Variants in MYOF observed in about 807,000 individuals in gnomAD.
MYOF encodes the protein fer-1-like 3, myoferlin.
MYOF carries 244 observed loss-of-function variants against 284.2 expected under a neutral mutation model. The ratio of observed to expected loss-of-function variants is 0.86; its 90% CI spans 0.77 to 0.95. MYOF has a LOEUF of 0.95. Ranked by LOEUF, MYOF falls within the 40% of genes least tolerant of loss-of-function variation. MYOF has a pLI of 0.00. For synonymous variants in MYOF, 904 were observed against 919.7 expected, an observed-to-expected ratio of 0.98 and a Z score of 0.31; for missense variants, 2,496 against 2,560.6, an observed-to-expected ratio of 0.97 and a Z score of 0.54.
chr10:93,407,367 G>A lies in MYOF; in HGVS notation c.729+1420C>T, dbSNP rs1447161877. 9.8e-5 allele frequency among the ~76,000 whole-genome samples: 13 copies of A among 132,610 alleles called. No homozygotes were observed. The South Asian group carries it at 3.4e-3, about 35-fold the overall frequency. 87.0% of individuals were successfully genotyped at this position (132,610 alleles called of 152,430 possible). On this transcript the variant is annotated intron_variant, in intron 7 of 53. Coordinates refer to ENST00000359263, the MANE Select transcript of MYOF (RefSeq NM_013451.4). ...TGCCTTAGCCTGGGAGGTGGAGGTTGCAATGAGCTGAGATTGCACCACCAC... is the reference window on the plus strand; with the variant it reads ...TGCCTTAGCCTGGGAGGTGGAGGTTACAATGAGCTGAGATTGCACCACCAC...
In MYOF at chr10:93,482,171, A is replaced by C. The variant is rs751562746; in HGVS notation, c.24T>G (p.Ser8=). ...ATTTCGTTTTAGGGATATTGCTGGC[A>C]GATTCCACAATCACTCGCAGCATGG... is the stretch of plus-strand genomic sequence containing the variant. MLRVIVE[S]ASNIPKTKFG... Residue 8 remains serine, a synonymous_variant, in exon 1 of 54, where the codon TCT becomes TCG. Coordinates refer to ENST00000359263, the MANE Select transcript of MYOF (RefSeq NM_013451.4). 3.7e-6 allele frequency: 6 copies of C among 1,614,084 alleles called. No individual in the cohort carries two copies. Among genetic ancestry groups the C allele is most frequent in the Non-Finnish European group, 5.1e-6 (6 of 1,180,020 alleles).
chr10:93,431,606 G>A (rs1212741208), intron 3 of MYOF, 90 bp from the exon 4 acceptor site: 3 of 935,158 alleles, frequency 3.2e-6, no homozygotes, highest in Non-Finnish European at 5.0e-6. Context: ...CTCTTCATCT[G>A]TTAAATCATT....
intron 46 of MYOF, among the ~76,000 whole-genome samples, chr10:93,325,581 T>C (rs538164393): frequency 6.6e-6 from 1 of 152,152 alleles, no homozygotes; most frequent in Non-Finnish European, 1.5e-5. Context: ...GAGAAACAGA[T>C]GAGACACAGA....
At chr10:93,439,101 G>T (rs1323941619) in intron 3 of MYOF, among the ~76,000 whole-genome samples, 6 of 152,216 alleles carry the variant, frequency 3.9e-5, no homozygotes, top group African/African-American at 1.4e-4. Flanking sequence ...GGATTTGCAC[G>T]ATTTTCGTGG....
intron 3 of MYOF, among the ~76,000 whole-genome samples, chr10:93,440,239 C>T (rs1364039300): frequency 6.6e-6 from 1 of 152,078 alleles, no homozygotes; most frequent in Non-Finnish European, 1.5e-5. Context: ...TGGTGAAACC[C>T]CATTTCTACT....
chr10:93,404,989 A>G (rs1252524336), intron 7 of MYOF, among the ~76,000 whole-genome samples: 1 of 152,162 alleles, frequency 6.6e-6, no homozygotes, highest in African/African-American at 2.4e-5. Context: ...ACTTACTCCA[A>G]CTGAGACTTT....
chr10:93,363,621 G>A (rs1845178739), intron 27 of MYOF, among the ~76,000 whole-genome samples: 3 of 152,204 alleles, frequency 2.0e-5, no homozygotes, highest in African/African-American at 4.8e-5. Context: ...AGCTATGATC[G>A]CACCACTGCG....
At chr10:93,350,312 CTTTT>C (rs369003989) in intron 35 of MYOF, among the ~76,000 whole-genome samples, 1 of 148,156 alleles carries the variant, frequency 6.7e-6, no homozygotes, top group African/African-American at 2.5e-5. Context: ...CACCTGTAAA[CTTTT>C]TTTTTTTCTT....
chr10:93,471,665 G>A (rs1385714342), intron 1 of MYOF, among the ~76,000 whole-genome samples: 4 of 152,154 alleles, frequency 2.6e-5, no homozygotes, highest in African/African-American at 9.7e-5. Context: ...AAGGTGGGCG[G>A]ATCACCTGAG....
chr10:93,331,572 G>A (rs997178886), intron 43 of MYOF, among the ~76,000 whole-genome samples: 3 of 152,034 alleles, frequency 2.0e-5, no homozygotes, highest in Admixed American at 6.5e-5. Flanking sequence ...CCTGCCCTGC[G>A]TGCCTTTTCC....
At chr10:93,307,776 C>T (rs1389453063) in intron 53 of MYOF, among the ~76,000 whole-genome samples, 1 of 151,322 alleles carries the variant, frequency 6.6e-6, no homozygotes, top group African/African-American at 2.4e-5. Context: ...AGGCGCCCAC[C>T]AACACGCTCT....
chr10:93,420,575 C>T (rs1007852810), intron 5 of MYOF, among the ~76,000 whole-genome samples: 1 of 152,220 alleles, frequency 6.6e-6, no homozygotes, highest in South Asian at 2.1e-4. Flanking sequence ...GTGATCATAG[C>T]TAGCTTCTAC....
chr10:93,435,802 T>C (rs1248700392), intron 3 of MYOF, among the ~76,000 whole-genome samples: 1 of 151,900 alleles, frequency 6.6e-6, no homozygotes, highest in Non-Finnish European at 1.5e-5. Flanking sequence ...AATTAGCTGG[T>C]TGTAGTGGCT....
At chr10:93,378,009 T>G (rs1431082161) in intron 21 of MYOF, among the ~76,000 whole-genome samples, 1 of 152,234 alleles carries the variant, frequency 6.6e-6, no homozygotes, top group Non-Finnish European at 1.5e-5. Context: ...TGAGAAGGCC[T>G]AGAAGCAATG....
At chr10:93,442,163 C>T (rs1455229429) in intron 3 of MYOF, among the ~76,000 whole-genome samples, 1 of 152,098 alleles carries the variant, frequency 6.6e-6, no homozygotes, top group Non-Finnish European at 1.5e-5. Context: ...CTCTTTCAGC[C>T]ACATTTTTCT....
chr10:93,373,137 T>C, intron 23 of MYOF, 52 bp from the exon 24 acceptor site: 2 of 1,611,336 alleles, frequency 1.2e-6, no homozygotes, highest in Non-Finnish European at 1.7e-6. Context: ...TTAGTCTAAA[T>C]GGAGAGGGAC....
At chr10:93,328,091 T>G (rs1170387113) in intron 45 of MYOF, among the ~76,000 whole-genome samples, 1 of 152,098 alleles carries the variant, frequency 6.6e-6, no homozygotes, top group Non-Finnish European at 1.5e-5. Flanking sequence ...TTTTTTACAA[T>G]GTCACGAATC....
At chr10:93,392,682 T>A (rs933550857) in intron 17 of MYOF, among the ~76,000 whole-genome samples, 2 of 152,126 alleles carry the variant, frequency 1.3e-5, no homozygotes, top group Non-Finnish European at 2.9e-5. Flanking sequence ...CCAAATACGA[T>A]GGTGTGCATT....
At chr10:93,309,463 G>A (rs561024701) in intron 53 of MYOF, among the ~76,000 whole-genome samples, 11 of 152,234 alleles carry the variant, frequency 7.2e-5, no homozygotes, top group African/African-American at 9.6e-5. Context: ...GAGGTTATAC[G>A]TGACATGAGC....
Sources: allele counts gnomAD v4.1 joint callset (sites outside exome capture counted in the v4.1 genomes callset), GRCh38; gene constraint gnomAD v4.1.1; transcripts MANE v1.5; gene names NCBI Gene and HGNC (gene_info 2026-07-23, HGNC 2026-07-21).